Variants in VWA3A observed in about 807,000 individuals in gnomAD.
The protein encoded by VWA3A is von Willebrand factor A domain-containing protein 3A.
A neutral mutation model predicts 160.4 loss-of-function variants in VWA3A; 134 were observed. The ratio of observed to expected loss-of-function variants is 0.84; its 90% CI spans 0.73 to 0.96. The LOEUF (loss-of-function observed/expected upper bound fraction) is 0.96, where lower values mean the gene tolerates loss of function less well. Ranked by LOEUF, VWA3A falls within the 40% of genes least tolerant of loss-of-function variation. VWA3A has a pLI of 0.00. For synonymous variants in VWA3A, 476 were observed against 543.4 expected, an observed-to-expected ratio of 0.88 and a Z score of 1.72; for missense variants, 1,310 against 1,447.9, an observed-to-expected ratio of 0.90 and a Z score of 1.55.
chr16:22,128,816 A>T (rs2045896919), intron 17 of VWA3A, among the ~76,000 whole-genome samples: 1 of 152,194 alleles, frequency 6.6e-6, no homozygotes, highest in Non-Finnish European at 1.5e-5. Context: ...ATCCTTAGCA[A>T]ACTAACACAG....
chr16:22,115,230 T>G, intron 8 of VWA3A, 117 bp from the exon 9 acceptor site: 1 of 1,192,862 alleles, frequency 8.4e-7, no homozygotes, highest in East Asian at 2.9e-5. Flanking sequence ...GAGCTATGAT[T>G]GCACCACTGC....
At chr16:22,100,739 T>C (rs2045395645) in intron 5 of VWA3A, among the ~76,000 whole-genome samples, 1 of 150,498 alleles carries the variant, frequency 6.6e-6, no homozygotes, top group Non-Finnish European at 1.5e-5. Context: ...TACCCTGTAG[T>C]CTGAGGCAGG....
intron 6 of VWA3A, among the ~76,000 whole-genome samples, chr16:22,104,682 A>T (rs1288588323): frequency 1.3e-5 from 2 of 150,916 alleles, no homozygotes; most frequent in Admixed American, 1.3e-4. Flanking sequence ...TTGTCTTTTA[A>T]AAAAAAAAAA....
At chr16:22,092,951 C>CTAT (rs748089074) in intron 1 of VWA3A, among the ~76,000 whole-genome samples, 46 of 151,704 alleles carry the variant, frequency 3.0e-4, no homozygotes, top group Non-Finnish European at 4.9e-4. Flanking sequence ...GGAAAGACTC[C>CTAT]TATTATTATT....
intron 30 of VWA3A, among the ~76,000 whole-genome samples, chr16:22,151,670 G>A (rs1446485674): frequency 6.6e-6 from 1 of 151,746 alleles, no homozygotes; most frequent in African/African-American, 2.4e-5. Context: ...CCAGGAGTTC[G>A]AGACCAGCCT....
Position 22,142,752 on chromosome 16 carries a change from G to T in VWA3A, c.2579G>T (p.Cys860Phe), listed in dbSNP as rs771575835. Reference protein sequence around the residue: ...SIDLPRKDTVCSSQEWVAKYG... With the variant: ...SIDLPRKDTVFSSQEWVAKYG... The stretch of plus-strand genomic sequence containing the variant: ...GACTTACCCAGAAAGGATACAGTTT[G>T]CTCAAGCCAAGAGGTATTAAGTCAC... The change falls in exon 25 of 34, where the codon TGC becomes TTC. Residue 860 changes from cysteine to phenylalanine, a missense_variant. Physicochemically the swap from Cys to Phe is radical, Grantham distance 205. Coordinates refer to ENST00000389398, the MANE Select transcript of VWA3A (RefSeq NM_173615.5). 5 of 1,568,996 alleles carry T rather than the reference G, an allele frequency of 3.2e-6. No homozygotes were observed. Among genetic ancestry groups the T allele is most frequent in the African/African-American group, 1.4e-5 (1 of 73,934 alleles).
chr16:22,129,282 G>T (rs2045905293), intron 17 of VWA3A, among the ~76,000 whole-genome samples: 1 of 151,552 alleles, frequency 6.6e-6, no homozygotes, highest in African/African-American at 2.4e-5. Flanking sequence ...CCAGCTATTC[G>T]GGAGGCTGAG....
At chr16:22,101,846 G>C (rs1013364283) in intron 5 of VWA3A, among the ~76,000 whole-genome samples, 3 of 152,210 alleles carry the variant, frequency 2.0e-5, no homozygotes, top group African/African-American at 7.2e-5. Context: ...GAATGTTCAA[G>C]TCTATTTAGC....
rs1333967362 is a variant in VWA3A, at chr16:22,151,000, C to A, written c.3281+154C>A. On this transcript the variant is annotated intron_variant, in intron 30 of 33. Transcript: ENST00000389398. Reference sequence around the variant, plus strand: ...GTAAATCAGAAATTAGGAGAAGCGGCCGGGCATGCTGGCTCACGCCTGTAA... The same window carrying A: ...GTAAATCAGAAATTAGGAGAAGCGGACGGGCATGCTGGCTCACGCCTGTAA... Among the ~76,000 whole-genome samples the A allele has an allele frequency of 2.0e-5, 3 of 152,264 alleles. No homozygotes were observed. In the East Asian group the frequency reaches 5.8e-4, roughly 29 times the overall value.
Position 22,104,693 on chromosome 16 carries a change from T to A in VWA3A, c.483+1164T>A, listed in dbSNP as rs567553071. Among the ~76,000 whole-genome samples the A allele has an allele frequency of 2.9e-3, 428 of 148,040 alleles. 2 individuals are homozygous for A. The highest frequency in any genetic ancestry group is 0.01 in the Middle Eastern group (3 of 292). On this transcript the variant is annotated intron_variant, in intron 6 of 33. Coordinates refer to ENST00000389398, the MANE Select transcript of VWA3A (RefSeq NM_173615.5). ...AGACTTGTCTTTTAAAAAAAAAAAATTTTTTTTAATTAAATGTTTTTCTCA... is the reference window on the plus strand; with the variant it reads ...AGACTTGTCTTTTAAAAAAAAAAAAATTTTTTTAATTAAATGTTTTTCTCA...
rs778495457 is a variant in VWA3A at position 22,116,848 on chromosome 16, G to A, written c.905G>A (p.Cys302Tyr). 4.3e-6 allele frequency: 7 copies of A among 1,613,000 alleles called. No individual in the cohort carries two copies. In the African/African-American group the frequency reaches 9.3e-5, roughly 22 times the overall value. The change falls in exon 10 of 34, where the codon TGC (cysteine) becomes TAC (tyrosine). Residue 302 changes from cysteine (C) to tyrosine (Y), a missense_variant. Coordinates refer to ENST00000389398, the MANE Select transcript of VWA3A (RefSeq NM_173615.5). ...DLIIHFITYRCDDQMPPAVLK... is the reference protein window; with the variant it reads ...DLIIHFITYRYDDQMPPAVLK... The stretch of plus-strand genomic sequence containing the variant: ...ATCATCCACTTCATCACCTACAGAT[G>A]CGATGATCAGATGCCCCCTGTGAGT...
chr16:22,093,081 CT>C (rs1216395603), intron 1 of VWA3A, among the ~76,000 whole-genome samples: 1 of 152,078 alleles, frequency 6.6e-6, no homozygotes, highest in African/African-American at 2.4e-5. Context: ...TTCAGCTCAC[CT>C]TTGCCTAAAC....
At chr16:22,108,516 T>C (rs763640065) in intron 6 of VWA3A, among the ~76,000 whole-genome samples, 28 of 152,164 alleles carry the variant, frequency 1.8e-4, no homozygotes, top group Non-Finnish European at 3.7e-4. Context: ...AATTTGTTTT[T>C]GTTTTCTCAG....
intron 27 of VWA3A, among the ~76,000 whole-genome samples, chr16:22,147,418 C>T (rs979025445): frequency 6.6e-6 from 1 of 152,130 alleles, no homozygotes; most frequent in Admixed American, 6.6e-5. Context: ...CCCAAGAAGA[C>T]AGGCAGACAG....
chr16:22,119,224 G>A (rs558989402), intron 12 of VWA3A, among the ~76,000 whole-genome samples, 197 bp downstream of exon 12: 5 of 152,294 alleles, frequency 3.3e-5, no homozygotes, highest in Admixed American at 6.5e-5. Context: ...CCATGGTACC[G>A]GAAAGATTCT....
intron 27 of VWA3A, among the ~76,000 whole-genome samples, chr16:22,147,315 T>C (rs1433409847): frequency 6.6e-6 from 1 of 152,168 alleles, no homozygotes; most frequent in Non-Finnish European, 1.5e-5. Flanking sequence ...TGAGCTACTG[T>C]GTACCTCTTT....
intron 3 of VWA3A, 106 bp downstream of exon 3, chr16:22,097,801 C>CT (rs1247377527): frequency 2.3e-5 from 33 of 1,420,004 alleles, no homozygotes. Context: ...GATTCTAGGA[C>CT]TGAAAAAGGA....
Position 22,100,233 on chromosome 16 carries a change from G to A in VWA3A, c.265G>A (p.Asp89Asn). 1.3e-6 allele frequency: 2 copies of A among 1,550,796 alleles called. No individual in the cohort carries two copies. The highest frequency in any genetic ancestry group is 1.7e-6 in the Non-Finnish European group (2 of 1,146,938). ...TGAGACCCAGTCTTCAGATTGGGAG[G>A]ACTCTGAAGACTGGCTTTCGGCTCA... Reference protein sequence around the residue: ...GSETQSSDWEDSEDWLSAHSL... With the variant: ...GSETQSSDWENSEDWLSAHSL... The change falls in exon 4 of 34, where the codon GAC becomes AAC. Residue 89 changes from aspartate (D) to asparagine (N), a missense_variant. By Grantham distance (23) the Asp-to-Asn change is conservative (BLOSUM62 1). Transcript: ENST00000389398.
At chr16:22,138,839 G>A (rs973727469) in intron 22 of VWA3A, among the ~76,000 whole-genome samples, 3 of 152,084 alleles carry the variant, frequency 2.0e-5, no homozygotes, top group East Asian at 1.9e-4. Context: ...AGAGTCTCTC[G>A]GGGGCAAAGG....
Sources: gnomAD v4.1 joint callset for allele counts (sites outside exome capture counted in the v4.1 genomes callset) on GRCh38, gnomAD v4.1.1 for gene constraint, MANE v1.5 for transcripts, NCBI Gene and HGNC (gene_info 2026-07-23, HGNC 2026-07-21) for gene names.